The following PRKAG1 variants were observed in gnomAD, a reference collection of about 807,000 sequenced individuals.
PRKAG1 encodes 5'-AMP-activated protein kinase subunit gamma-1.
A neutral mutation model predicts 48.2 loss-of-function variants in PRKAG1; 27 were observed. The ratio of observed to expected loss-of-function variants is 0.56; its 90% CI spans 0.41 to 0.77. The LOEUF is 0.77. PRKAG1 is among the 30% of genes least tolerant of loss of function. PRKAG1 has a pLI of 0.00. For missense variants in PRKAG1, 287 were observed against 398.3 expected, an observed-to-expected ratio of 0.72 and a Z score of 2.38; for synonymous variants, 130 against 147.7, an observed-to-expected ratio of 0.88 and a Z score of 0.87.
chr12:49,004,676 T>C (rs1565732690), intron 7 of PRKAG1, 43 bp from the exon 8 acceptor site: 1 of 1,613,198 alleles, frequency 6.2e-7, no homozygotes, highest in South Asian at 1.1e-5. Flanking sequence ...GTGCTGGGGC[T>C]GGGGGTGATT....
intron 1 of PRKAG1, chr12:49,018,163 C>G (rs1484969163): frequency 6.5e-6 from 1 of 154,272 alleles, no homozygotes; most frequent in African/African-American, 2.4e-5. Context: ...CTAAAATTGT[C>G]CAGGGACACA....
chr12:49,017,195 TTTTC>T (rs1448510928), intron 1 of PRKAG1: 5 of 455,388 alleles, frequency 1.1e-5, no homozygotes, highest in African/African-American at 4.0e-5. Context: ...AAAGCAGGAG[TTTTC>T]TTTCTTTTCT....
intron 2 of PRKAG1, among the ~76,000 whole-genome samples, chr12:49,007,169 C>T (rs780491432): frequency 1.3e-5 from 2 of 151,780 alleles, no homozygotes; most frequent in Admixed American, 6.6e-5. Flanking sequence ...TGCCTGTAGT[C>T]CCAGCTACTC....
chr12:49,015,962 T>C (rs1485347185), intron 1 of PRKAG1, among the ~76,000 whole-genome samples: 3 of 134,310 alleles, frequency 2.2e-5, no homozygotes, highest in Non-Finnish European at 4.9e-5. Flanking sequence ...TTTTTTTTTT[T>C]TGAGACAGGG....
chr12:49,005,897 T>A lies in PRKAG1; in HGVS notation c.59-45A>T. 7.1e-7 allele frequency: 1 copy of A among 1,408,874 alleles called. No individual in the cohort carries two copies. Among genetic ancestry groups the A allele is most frequent in the Non-Finnish European group, 9.7e-7 (1 of 1,032,502 alleles). 87.3% of individuals were successfully genotyped at this position (1,408,874 alleles called of 1,614,324 possible). A position where few individuals can be genotyped will look rare whatever the true frequency, so the allele number is the denominator to read the frequency against. On this transcript the variant is annotated intron_variant, in intron 2 of 11. Coordinates refer to ENST00000548065, the MANE Select transcript of PRKAG1 (RefSeq NM_002733.5). This position sits in a 1 kb window ranked among gnomAD's most constrained non-coding sequence, Gnocchi z 4.1. ...TAGTAGCTTCCTTCCACATAAAAAC[T>A]CCCAATCAAAAGAGACAGAAAACAA...
chr12:49,002,708 AG>A lies in PRKAG1; in HGVS notation c.*190del. 1 of 696,792 alleles carries A rather than the reference AG, an allele frequency of 1.4e-6. No individual in the cohort carries two copies. The highest frequency in any genetic ancestry group is 2.6e-6 in the Non-Finnish European group (1 of 386,506). The allele number at this position is 696,792 out of a possible 1,614,324, so 43.2% of individuals were successfully genotyped here. On this transcript the variant is annotated 3_prime_UTR_variant, in exon 12 of 12. Transcript: ENST00000548065. ...GAAAGTTTTTTCAAGTGTATGTGTG[AG>A]GGTAAGGGTAGCTATAAATCCATTC...
chr12:49,010,786 T>TA (rs1283884538), intron 2 of PRKAG1, among the ~76,000 whole-genome samples: 1 of 152,062 alleles, frequency 6.6e-6, no homozygotes, highest in African/African-American at 2.4e-5. Context: ...TCTTTTTCTT[T>TA]AAAAAAATTC....
rs144024522 is a variant in PRKAG1, at chr12:49,004,796, T to TGA, written c.411-165_411-164dup. The TGA allele has an allele frequency of 7.2e-4, 802 of 1,121,608 alleles. 4 individuals carry two copies. In the East Asian group the frequency reaches 0.017, roughly 24 times the overall value. 69.5% of individuals were successfully genotyped at this position (1,121,608 alleles called of 1,614,324 possible). A position where few individuals can be genotyped will look rare whatever the true frequency, so the allele number is the denominator to read the frequency against. ...AAGAGAGAGAGAGAGAGAGTGAGAA[T>TGA]GAGAGAGAGAGAGAGACTGTGTGTG... On this transcript the variant is annotated intron_variant, in intron 7 of 11. Transcript: ENST00000548065.
chr12:49,017,255 C>T (rs1248451274), intron 1 of PRKAG1: 1 of 454,872 alleles, frequency 2.2e-6, no homozygotes, highest in Non-Finnish European at 4.4e-6. Context: ...GACTGGAGTG[C>T]AGTGGCATGA....
intron 8 of PRKAG1, 82 bp downstream of exon 8, chr12:49,004,421 CAGTG>C (rs1357111362): frequency 2.0e-6 from 3 of 1,532,680 alleles, no homozygotes; most frequent in Non-Finnish European, 2.7e-6. Flanking sequence ...CTGAGCAACA[CAGTG>C]AGACCTCGTC....
Position 49,003,961 on chromosome 12 carries a change from A to G in PRKAG1, c.538-39T>C, listed in dbSNP as rs1224125114. 4 of 1,555,836 alleles carry G rather than the reference A, an allele frequency of 2.6e-6. No homozygotes were observed. The African/African-American group carries it at 5.5e-5, about 21-fold the overall frequency. ...CATCAGCTTAACTTTCAAGGCACCC[A>G]AAGCCACCCTTGGATACCCCCTCCA... On this transcript the variant is annotated intron_variant, in intron 8 of 11. Transcript: ENST00000548065.
At chr12:49,014,918 A>G (rs537997028) in intron 1 of PRKAG1, among the ~76,000 whole-genome samples, 7 of 152,354 alleles carry the variant, frequency 4.6e-5, no homozygotes, top group African/African-American at 1.7e-4. Context: ...TCTCTGGGTG[A>G]TATCTCCAAA....
chr12:49,003,291 C>T lies in PRKAG1; in HGVS notation c.742-1G>A, dbSNP rs1941369182. On this transcript the variant is annotated splice_acceptor_variant, in intron 10 of 11. Transcript: ENST00000548065. LOFTEE classifies it high-confidence loss of function. ...TGTAGGTCTTTTCTGCTGCCAGATT[C>T]TGGGGAGACAGAGGAAGGAGCTTGC... The T allele has an allele frequency of 1.2e-6, 2 of 1,613,946 alleles. No homozygotes were observed. The highest frequency in any genetic ancestry group is 8.5e-7 in the Non-Finnish European group (1 of 1,180,004).
chr12:49,009,138 TAA>T (rs1197177425), intron 2 of PRKAG1, among the ~76,000 whole-genome samples: 1 of 150,736 alleles, frequency 6.6e-6, no homozygotes. Flanking sequence ...TTTTTTTTTT[TAA>T]AGAGACAGGC....
chr12:49,018,520 G>A lies in PRKAG1; in HGVS notation c.9+212C>T, dbSNP rs1942099208. 4.2e-6 allele frequency: 6 copies of A among 1,428,626 alleles called. No homozygotes were observed. The South Asian group carries it at 5.9e-5, about 14-fold the overall frequency. 88.5% of individuals were successfully genotyped at this position (1,428,626 alleles called of 1,614,324 possible). ...TGCCTGCTTGGGCTAAGGGTACCGC[G>A]TACGGAAAGGCGGCGGGGACGCGGC... On this transcript the variant is annotated intron_variant, in intron 1 of 11. Coordinates refer to ENST00000548065, the MANE Select transcript of PRKAG1 (RefSeq NM_002733.5).
chr12:49,003,804 A>G lies in PRKAG1; in HGVS notation c.656T>C (p.Ile219Thr), dbSNP rs780728027. ...TTTPVYVALGIFVQHRVSALP... is the reference protein window; with the variant it reads ...TTTPVYVALGTFVQHRVSALP... ...GGCTGAGACTCGATGCTGTACAAAA[A>G]TCCCCAGAGCCACATAGACGGGGGT... is the stretch of plus-strand genomic sequence containing the variant. Residue 219 changes from isoleucine (I) to threonine (T), a missense_variant, in exon 9 of 12, where the codon ATT becomes ACT. Coordinates refer to ENST00000548065, the MANE Select transcript of PRKAG1 (RefSeq NM_002733.5). 19 of 1,614,036 alleles carry G rather than the reference A, an allele frequency of 1.2e-5. No homozygotes were observed. Among genetic ancestry groups the G allele is most frequent in the South Asian group, 7.7e-5 (7 of 91,074 alleles).
chr12:49,002,791 C>G lies in PRKAG1; in HGVS notation c.*108G>C. On this transcript the variant is annotated 3_prime_UTR_variant, in exon 12 of 12. Coordinates refer to ENST00000548065, the MANE Select transcript of PRKAG1 (RefSeq NM_002733.5). ...AGATAGAAGGGCAGGGGACCCTGAA[C>G]AGGGAACAGAGTCACAATTCCCTCA... The G allele has an allele frequency of 9.2e-7, 1 of 1,084,844 alleles. No homozygotes were observed. Among genetic ancestry groups the G allele is most frequent in the Non-Finnish European group, 1.4e-6 (1 of 728,360 alleles). 67.2% of individuals were successfully genotyped at this position (1,084,844 alleles called of 1,614,324 possible).
At chr12:49,011,731 T>C (rs11168821) in intron 2 of PRKAG1, among the ~76,000 whole-genome samples, 1,747 of 151,522 alleles carry the variant, frequency 0.012, 43 homozygotes, top group African/African-American at 0.039. Flanking sequence ...CCCAGCTAAT[T>C]TTTTCTACTT....
intron 9 of PRKAG1, 70 bp from the exon 10 acceptor site, chr12:49,003,665 C>T: frequency 6.2e-7 from 1 of 1,610,686 alleles, no homozygotes; most frequent in Non-Finnish European, 8.5e-7. Flanking sequence ...TAGAATCACC[C>T]TCCTGGCTAA....
Sources: allele counts gnomAD v4.1 joint callset (sites outside exome capture counted in the v4.1 genomes callset), GRCh38; gene constraint gnomAD v4.1.1; non-coding constraint Gnocchi (gnomAD v3.1); transcripts MANE v1.5; gene names NCBI Gene and HGNC (gene_info 2026-07-23, HGNC 2026-07-21).